Variants in ALK observed in about 807,000 individuals in gnomAD.
The protein encoded by ALK is ALK tyrosine kinase receptor.
In ALK, 74 loss-of-function variants were observed where a neutral mutation model predicts 163.1. The ratio of observed to expected loss-of-function variants is 0.45; its 90% CI spans 0.38 to 0.55. The LOEUF is 0.55. ALK is among the 20% of genes least tolerant of loss of function. The pLI, the probability that ALK is intolerant of heterozygous loss-of-function variation, is 0.00. For synonymous variants in ALK, 960 were observed against 843.2 expected, an observed-to-expected ratio of 1.14 and a Z score of -2.40; for missense variants, 2,063 against 2,105.3, an observed-to-expected ratio of 0.98 and a Z score of 0.39.
chr2:29,356,835 A>C (rs1255538401), intron 5 of ALK, among the ~76,000 whole-genome samples: 1 of 152,186 alleles, frequency 6.6e-6, no homozygotes, highest in Non-Finnish European at 1.5e-5. Context: ...TCTTGGACAG[A>C]GAAGGAGACA....
At chr2:29,565,765 C>G (rs960063901) in intron 3 of ALK, among the ~76,000 whole-genome samples, 2 of 152,160 alleles carry the variant, frequency 1.3e-5, no homozygotes, top group African/African-American at 4.8e-5. Flanking sequence ...CCCTGCAAAA[C>G]TGACAGATTG....
At chr2:29,372,191 C>G (rs10185422) in intron 5 of ALK, among the ~76,000 whole-genome samples, 42,994 of 152,102 alleles carry the variant, frequency 0.28, 6,478 homozygotes, top group African/African-American at 0.37. Flanking sequence ...GCTGGCCCCA[C>G]TTTACCCCAA....
intron 1 of ALK, among the ~76,000 whole-genome samples, chr2:29,725,920 T>C (rs1260302713): frequency 6.6e-6 from 1 of 152,168 alleles, no homozygotes; most frequent in Non-Finnish European, 1.5e-5. Flanking sequence ...ATTTTCACCT[T>C]TCCAGACATG....
Position 29,391,739 on chromosome 2 carries a change from T to G in ALK, c.1155-7880A>C, listed in dbSNP as rs1476520437. Among the ~76,000 whole-genome samples, 5 of 152,128 alleles carry G rather than the reference T, an allele frequency of 3.3e-5. No individual in the cohort carries two copies. The South Asian group carries it at 1.0e-3, about 32-fold the overall frequency. ...TTTCCTTTCCTTCTTTCAAGAGAAA[T>G]ATAATAATTAAGCAGCCAGACTTTT... is the stretch of plus-strand genomic sequence containing the variant. On this transcript the variant is annotated intron_variant, in intron 4 of 28. Transcript: ENST00000389048.
intron 1 of ALK, among the ~76,000 whole-genome samples, chr2:29,754,681 C>A (rs968410373): frequency 2.0e-5 from 3 of 151,790 alleles, no homozygotes; most frequent in Non-Finnish European, 2.9e-5. Context: ...CAGAGCAAGA[C>A]CCTGTCTCAA....
chr2:29,510,844 A>G (rs564418617), intron 4 of ALK, among the ~76,000 whole-genome samples: 1 of 152,188 alleles, frequency 6.6e-6, no homozygotes, highest in Admixed American at 6.5e-5. Context: ...AGAAGTCTTC[A>G]TGAGGAAGGT....
chr2:29,256,557 G>C (rs980876091), intron 11 of ALK, among the ~76,000 whole-genome samples: 2 of 151,506 alleles, frequency 1.3e-5, no homozygotes, highest in Non-Finnish European at 2.9e-5. Context: ...CAAGTTCAAG[G>C]CTTGAAAAGG....
Position 29,356,875 on chromosome 2 carries a change from C to T in ALK, c.1282+26857G>A, listed in dbSNP as rs541636062. On this transcript the variant is annotated intron_variant, in intron 5 of 28. Coordinates refer to ENST00000389048, the MANE Select transcript of ALK (RefSeq NM_004304.5). The stretch of plus-strand genomic sequence containing the variant: ...AGTTCAGCCAGGGTTAAAGAATTCT[C>T]CAGGTTCCTGGGCATGAGCTAAACC... Among the ~76,000 whole-genome samples, 109 of 152,272 alleles carry T rather than the reference C, an allele frequency of 7.2e-4. 2 individuals are homozygous for T. Among genetic ancestry groups the T allele is most frequent in the Middle Eastern group, 3.4e-3 (1 of 294 alleles).
At chr2:29,272,877 G>A (rs1465010569) in intron 11 of ALK, among the ~76,000 whole-genome samples, 1 of 152,190 alleles carries the variant, frequency 6.6e-6, no homozygotes, top group Non-Finnish European at 1.5e-5. Flanking sequence ...TGGACTCCAG[G>A]TTGACTTCCT....
At chr2:29,891,766 C>G (rs1393096873) in intron 1 of ALK, among the ~76,000 whole-genome samples, 1 of 152,238 alleles carries the variant, frequency 6.6e-6, no homozygotes, top group East Asian at 1.9e-4. Flanking sequence ...AGCCTAGGAG[C>G]TGAAGGGGCT....
intron 9 of ALK, among the ~76,000 whole-genome samples, chr2:29,279,897 C>G (rs530454454): frequency 1.3e-5 from 2 of 152,356 alleles, no homozygotes; most frequent in East Asian, 1.9e-4. Context: ...TGGCATGTAC[C>G]AGGTGGACCA....
intron 5 of ALK, among the ~76,000 whole-genome samples, chr2:29,364,702 T>G (rs1273301379): frequency 6.6e-6 from 1 of 152,154 alleles, no homozygotes. Context: ...AGACCAAATG[T>G]GGAACAGGGA....
At chr2:29,408,185 C>T (rs956008605) in intron 4 of ALK, among the ~76,000 whole-genome samples, 9 of 150,316 alleles carry the variant, frequency 6.0e-5, no homozygotes, top group South Asian at 2.1e-4. Flanking sequence ...CGGGTTCAAG[C>T]GATTCTCCTG....
chr2:29,278,274 A>G (rs1448028382), intron 9 of ALK, among the ~76,000 whole-genome samples: 1 of 152,098 alleles, frequency 6.6e-6, no homozygotes, highest in Non-Finnish European at 1.5e-5. Flanking sequence ...GGAGGTAAAG[A>G]TGGTGTGGAC....
chr2:29,198,961 CTTTT>C (rs145929777), intron 26 of ALK, among the ~76,000 whole-genome samples: 13,266 of 144,930 alleles, frequency 0.092, 1,459 homozygotes, highest in African/African-American at 0.27. Context: ...TAGTTGTTTT[CTTTT>C]TTTTTTTTTA....
At chr2:29,750,787 G>A (rs1202841091) in intron 1 of ALK, among the ~76,000 whole-genome samples, 7 of 151,870 alleles carry the variant, frequency 4.6e-5, no homozygotes, top group Non-Finnish European at 8.8e-5. Flanking sequence ...GACAGAGGCC[G>A]GGCGTGGTGG....
At chr2:29,833,454 T>C (rs1481728745) in intron 1 of ALK, among the ~76,000 whole-genome samples, 2 of 152,188 alleles carry the variant, frequency 1.3e-5, no homozygotes, top group African/African-American at 4.8e-5. Context: ...TTTTCACTAG[T>C]TGGGTTGAAG....
chr2:29,725,056 C>G (rs1170050182), intron 1 of ALK, among the ~76,000 whole-genome samples: 2 of 151,282 alleles, frequency 1.3e-5, no homozygotes, highest in Non-Finnish European at 2.9e-5. Context: ...AAAGCATGTA[C>G]CCCTTCCCAA....
intron 4 of ALK, among the ~76,000 whole-genome samples, chr2:29,428,972 T>C (rs771325868): frequency 3.0e-4 from 45 of 152,110 alleles, no homozygotes; most frequent in Admixed American, 1.3e-3. Flanking sequence ...ATGGATGTAA[T>C]AAACCACATC....
Sources: gnomAD v4.1 joint callset for allele counts (sites outside exome capture counted in the v4.1 genomes callset) on GRCh38, gnomAD v4.1.1 for gene constraint, MANE v1.5 for transcripts, NCBI Gene and HGNC (gene_info 2026-07-23, HGNC 2026-07-21) for gene names.